The following ELOVL6 variants were observed in gnomAD, a reference collection of about 807,000 sequenced individuals.
ELOVL6 encodes very long chain fatty acid elongase 6.
A neutral mutation model predicts 31.7 loss-of-function variants in ELOVL6; 8 were observed. That is an observed-to-expected ratio of 0.25 (90% CI 0.15 to 0.45). ELOVL6 has a LOEUF of 0.45. Ranked by LOEUF, ELOVL6 falls within the 20% of genes least tolerant of loss-of-function variation. The probability of loss-of-function intolerance (pLI) is 1.00; values close to 1 mark genes in which losing one functional copy is unlikely to be tolerated. For synonymous variants in ELOVL6, 101 were observed against 117.7 expected (o/e 0.86, Z 0.92); for missense variants, 126 against 326.4 (o/e 0.39, Z 4.73).
chr4:110,076,910 C>A (rs1349322810), intron 2 of ELOVL6, among the ~76,000 whole-genome samples: 2 of 152,304 alleles, frequency 1.3e-5, no homozygotes, highest in East Asian at 3.9e-4. Context: ...TTCCAATGGT[C>A]TTAGCAAACG....
intron 2 of ELOVL6, among the ~76,000 whole-genome samples, chr4:110,069,577 AT>A (rs1414824775): frequency 6.6e-6 from 1 of 152,130 alleles, no homozygotes; most frequent in African/African-American, 2.4e-5. Flanking sequence ...CCTACACCTC[AT>A]GGGGCACCAT....
At chr4:110,092,181 G>T (rs913312028) in intron 2 of ELOVL6, among the ~76,000 whole-genome samples, 2 of 152,140 alleles carry the variant, frequency 1.3e-5, no homozygotes, top group Admixed American at 6.5e-5. Context: ...GAAGAAACAA[G>T]AGCTCCCTAT....
intron 2 of ELOVL6, among the ~76,000 whole-genome samples, chr4:110,103,050 CT>C (rs1417888319): frequency 6.6e-6 from 1 of 152,140 alleles, no homozygotes; most frequent in Non-Finnish European, 1.5e-5. Flanking sequence ...GGGGTTTCCA[CT>C]TTTGCTTCTT....
chr4:110,088,312 T>C (rs1756327318), intron 2 of ELOVL6, among the ~76,000 whole-genome samples: 1 of 152,172 alleles, frequency 6.6e-6, no homozygotes, highest in South Asian at 2.1e-4. Flanking sequence ...AGTGAAAACA[T>C]GAGGAATTCC....
At chr4:110,166,330 C>T (rs2126271390) in intron 1 of ELOVL6, among the ~76,000 whole-genome samples, 1 of 152,220 alleles carries the variant, frequency 6.6e-6, no homozygotes, top group South Asian at 2.1e-4. Flanking sequence ...TCTTGTGTTT[C>T]AGCCAGGCGC....
At chr4:110,198,888 A>G (rs1560870009), upstream of ELOVL6, 1 of 152,444 alleles carries the variant, frequency 6.6e-6, no homozygotes, top group Non-Finnish European at 1.5e-5. Context: ...TGCAGGGCGC[A>G]TCCCCGCGGC....
At chr4:110,144,789 G>A (rs1758061760) in intron 1 of ELOVL6, among the ~76,000 whole-genome samples, 2 of 152,124 alleles carry the variant, frequency 1.3e-5, no homozygotes, top group Non-Finnish European at 2.9e-5. Flanking sequence ...AATTCTGAAT[G>A]GAACAGCTGT....
intron 1 of ELOVL6, chr4:110,117,903 A>AAAAAAAATATATAT: frequency 3.1e-4 from 2 of 6,504 alleles, no homozygotes; most frequent in African/African-American, 6.5e-4. Context: ...AAAAAAAAAA[A>AAAAAAAATATATAT]ATATATATAT....
intron 1 of ELOVL6, among the ~76,000 whole-genome samples, chr4:110,184,313 G>A (rs1030806037): frequency 6.6e-6 from 1 of 152,144 alleles, no homozygotes; most frequent in Non-Finnish European, 1.5e-5. Flanking sequence ...CACTGAATAT[G>A]CCAAATTCTG....
At chr4:110,186,228 A>C (rs1759434786) in intron 1 of ELOVL6, among the ~76,000 whole-genome samples, 1 of 151,874 alleles carries the variant, frequency 6.6e-6, no homozygotes, top group Non-Finnish European at 1.5e-5. Context: ...AAACAAACAG[A>C]AAAAAAATAA....
In ELOVL6 at chr4:110,097,305, C is replaced by CAAAAAAAAAAAAAAA. The variant is rs33970271; in HGVS notation, c.221+8177_221+8191dup. ...GGGTGACAGAGCGAGACTCCATCTC[C>CAAAAAAAAAAAAAAA]AAAAAAAAAAAAAAAAAGCTTAAGA... On this transcript the variant is annotated intron_variant, in intron 2 of 3. Transcript: ENST00000302274. Among the ~76,000 whole-genome samples, 118 of 88,650 alleles carry CAAAAAAAAAAAAAAA rather than the reference C, an allele frequency of 1.3e-3. 4 individuals carry two copies. Among genetic ancestry groups the CAAAAAAAAAAAAAAA allele is most frequent in the East Asian group, 2.8e-3 (7 of 2,516 alleles). The allele number at this position is 88,650 out of a possible 152,430, so 58.2% of individuals were successfully genotyped here. A position where few individuals can be genotyped will look rare whatever the true frequency, so the allele number is the denominator to read the frequency against.
At position 110,056,148 on chromosome 4, in the gene ELOVL6, T is replaced by G. The variant is rs555911530; in HGVS notation, c.373+3455A>C. Among the ~76,000 whole-genome samples the G allele has an allele frequency of 5.3e-5, 8 of 151,438 alleles. No individual in the cohort carries two copies. In the South Asian group the frequency reaches 1.3e-3, roughly 24 times the overall value. ...GGGGGGGGGGATACAGTTTCAGTAC[T>G]ATACATGGAAGAACTGTTTTTTTCT... On this transcript the variant is annotated intron_variant, in intron 3 of 3. Transcript: ENST00000302274.
intron 2 of ELOVL6, among the ~76,000 whole-genome samples, chr4:110,084,748 C>T (rs1017452090): frequency 2.0e-5 from 3 of 150,652 alleles, no homozygotes; most frequent in Non-Finnish European, 4.4e-5. Context: ...GTGCGTGCCA[C>T]CACACCTGGC....
chr4:110,072,204 G>T (rs906192017), intron 2 of ELOVL6, among the ~76,000 whole-genome samples: 6 of 152,196 alleles, frequency 3.9e-5, no homozygotes, highest in African/African-American at 1.4e-4. Context: ...TTGGCCAGGC[G>T]CAGTGGCTCA....
chr4:110,145,695 TC>T lies in ELOVL6; in HGVS notation c.90-40068del, dbSNP rs200671450. ...TCACTCCTTCCTTAGTCAGAGACTG[TC>T]TAAAAAAAAAAAACACAAAACAAAG... On this transcript the variant is annotated intron_variant, in intron 1 of 3. Transcript: ENST00000302274. Among the ~76,000 whole-genome samples the T allele has an allele frequency of 1.7e-3, 76 of 46,020 alleles. No homozygotes were observed. The South Asian group carries it at 0.021, about 13-fold the overall frequency. The allele number at this position is 46,020 out of a possible 152,430, so 30.2% of individuals were successfully genotyped here.
At chr4:110,182,216 C>T (rs1454572959) in intron 1 of ELOVL6, among the ~76,000 whole-genome samples, 4 of 152,036 alleles carry the variant, frequency 2.6e-5, no homozygotes, top group African/African-American at 4.8e-5. Flanking sequence ...TTTTTATCAT[C>T]CTCCCTTGAA....
At position 110,084,134 on chromosome 4, in the gene ELOVL6, A is replaced by ATATATAACATATATGTG. The variant is rs1372065552; in HGVS notation, c.221+21362_221+21363insCACATATATGTTATATA. 3.3e-4 allele frequency among the ~76,000 whole-genome samples: 15 copies of ATATATAACATATATGTG among 45,952 alleles called. 1 individual carries two copies. Among genetic ancestry groups the ATATATAACATATATGTG allele is most frequent in the African/African-American group, 2.4e-3 (13 of 5,434 alleles). 30.1% of individuals were successfully genotyped at this position (45,952 alleles called of 152,430 possible). A position where few individuals can be genotyped will look rare whatever the true frequency, so the allele number is the denominator to read the frequency against. On this transcript the variant is annotated intron_variant, in intron 2 of 3. Transcript: ENST00000302274. ...ATGATATATATAACATATATGTGAT[A>ATATATAACATATATGTG]ATGATATATATGATATATATAACAT...
In ELOVL6 at chr4:110,157,489, A is replaced by C. The variant is rs575676525; in HGVS notation, c.89+40758T>G. Among the ~76,000 whole-genome samples the C allele has an allele frequency of 7.9e-5, 12 of 152,114 alleles. No homozygotes were observed. The South Asian group carries it at 1.0e-3, about 13-fold the overall frequency. Reference sequence around the variant, plus strand: ...AGTTCAAGACCAGCCTGGCCAAGATAGTGAAACCCCGTCTCTACTAAAAAT... The same window carrying C: ...AGTTCAAGACCAGCCTGGCCAAGATCGTGAAACCCCGTCTCTACTAAAAAT... On this transcript the variant is annotated intron_variant, in intron 1 of 3. Transcript: ENST00000302274.
At chr4:110,084,459 A>G (rs1428283797) in intron 2 of ELOVL6, among the ~76,000 whole-genome samples, 1 of 107,458 alleles carries the variant, frequency 9.3e-6, no homozygotes, top group Non-Finnish European at 1.8e-5. Flanking sequence ...CATATATCAT[A>G]TATGATATAT....
Sources: allele counts gnomAD v4.1 joint callset (sites outside exome capture counted in the v4.1 genomes callset), GRCh38; gene constraint gnomAD v4.1.1; transcripts MANE v1.5; gene names NCBI Gene and HGNC (gene_info 2026-07-23, HGNC 2026-07-21).